The following IRAK1BP1 variants were observed in gnomAD, a reference collection of about 807,000 sequenced individuals.
IRAK1BP1 encodes the protein interleukin 1 receptor associated kinase 1 binding protein 1.
IRAK1BP1 carries 24 observed loss-of-function variants against 28.0 expected under a neutral mutation model. The observed-to-expected ratio is 0.86, with a 90% CI of 0.62 to 1.20. IRAK1BP1 has a LOEUF of 1.20. Among genes scored for constraint, IRAK1BP1 ranks in the 50% most tolerant of loss-of-function variants. IRAK1BP1 has a pLI of 0.00. For synonymous variants in IRAK1BP1, 131 were observed against 116.3 expected, an observed-to-expected ratio of 1.13 and a Z score of -0.81; for missense variants, 336 against 316.7, an observed-to-expected ratio of 1.06 and a Z score of -0.46.
chr6:78,904,299 C>T (rs1198560122), downstream of IRAK1BP1, among the ~76,000 whole-genome samples: 1 of 152,164 alleles, frequency 6.6e-6, no homozygotes, highest in Non-Finnish European at 1.5e-5. Flanking sequence ...TCATTTCAAG[C>T]TTATTGGATC....
chr6:78,874,620 A>C (rs778962121), intron 1 of IRAK1BP1, among the ~76,000 whole-genome samples: 1 of 152,162 alleles, frequency 6.6e-6, no homozygotes, highest in Non-Finnish European at 1.5e-5. Context: ...GGGACATTTT[A>C]AGTGACAACA....
chr6:78,965,833 T>G, the IRAK1BP1 span: 5 of 1,182,048 alleles, frequency 4.2e-6, no homozygotes, highest in Admixed American at 9.5e-5. Context: ...TAAAATCAAT[T>G]ATCAAAATAA....
chr6:78,955,330 T>C, the IRAK1BP1 span: 1 of 1,313,698 alleles, frequency 7.6e-7, no homozygotes, highest in African/African-American at 1.5e-5. Flanking sequence ...TAGATGTCAT[T>C]ATACTTTATA....
chr6:78,883,529 ATC>A (rs1289135923), intron 1 of IRAK1BP1, among the ~76,000 whole-genome samples: 5 of 152,188 alleles, frequency 3.3e-5, no homozygotes, highest in Non-Finnish European at 7.4e-5. Flanking sequence ...TCATAAAATT[ATC>A]TCTCTAATAA....
the IRAK1BP1 span, chr6:78,966,088 T>G: frequency 1.6e-6 from 2 of 1,264,314 alleles, no homozygotes; most frequent in Admixed American, 1.7e-5. Context: ...CTCATCATTC[T>G]GAAATGCATG....
downstream of IRAK1BP1, among the ~76,000 whole-genome samples, chr6:78,905,331 C>T (rs1188546080): frequency 4.6e-5 from 7 of 152,288 alleles, no homozygotes; most frequent in African/African-American, 1.4e-4. Flanking sequence ...TATGAGAATA[C>T]ATGAAGCTCT....
At chr6:78,970,909 C>T in the IRAK1BP1 span, 1 of 1,517,734 alleles carries the variant, frequency 6.6e-7, no homozygotes, top group South Asian at 1.2e-5. Context: ...AAGTCATAAT[C>T]TTACAACCTG....
intron 2 of IRAK1BP1, among the ~76,000 whole-genome samples, chr6:78,890,631 A>T (rs1771618431): frequency 6.6e-6 from 1 of 152,200 alleles, no homozygotes; most frequent in Non-Finnish European, 1.5e-5. Context: ...AGTTCTAGAG[A>T]AAGAAAAATA....
downstream of IRAK1BP1, among the ~76,000 whole-genome samples, chr6:78,947,437 T>C (rs1243907850): frequency 6.6e-6 from 1 of 152,188 alleles, no homozygotes; most frequent in African/African-American, 2.4e-5. Context: ...ACATCAAAGA[T>C]AACATCAATG....
chr6:78,951,202 T>A (rs1461534973), downstream of IRAK1BP1, among the ~76,000 whole-genome samples: 4 of 152,308 alleles, frequency 2.6e-5, no homozygotes, highest in East Asian at 5.8e-4. Flanking sequence ...AATGATTTTT[T>A]AAAATGTTTT....
chr6:78,953,651 C>T, the IRAK1BP1 span, among the ~76,000 whole-genome samples: 1 of 152,220 alleles, frequency 6.6e-6, no homozygotes, highest in African/African-American at 2.4e-5. Context: ...ATGTTTCTGG[C>T]ATTTTAAATG....
chr6:78,911,716 T>G lies in IRAK1BP1; in HGVS notation c.*67+8606T>G, dbSNP rs116779336. ...ATCTCACTTCATTCCCAGCAATTTA[T>G]TATCTGAGTACTCTGTACCGGGCAC... On this transcript the variant is annotated intron_variant and NMD_transcript_variant, in intron 4 of 4. Coordinates refer to the IRAK1BP1 transcript ENST00000606868. Among the ~76,000 whole-genome samples, 629 of 152,324 alleles carry G rather than the reference T, an allele frequency of 4.1e-3. 2 individuals are homozygous for G. The highest frequency in any genetic ancestry group is 0.014 in the African/African-American group (569 of 41,574).
At chr6:78,893,324 A>ATT (rs1771745637) in intron 2 of IRAK1BP1, among the ~76,000 whole-genome samples, 4 of 69,874 alleles carry the variant, frequency 5.7e-5, no homozygotes, top group African/African-American at 1.7e-4. Context: ...GTATATATAT[A>ATT]TATATATATA....
At chr6:78,883,630 T>C (rs1771309335) in intron 1 of IRAK1BP1, among the ~76,000 whole-genome samples, 2 of 152,172 alleles carry the variant, frequency 1.3e-5, no homozygotes, top group Admixed American at 1.3e-4. Flanking sequence ...TCATAAAATA[T>C]TAAATGACAA....
At chr6:78,873,579 A>G (rs998546481) in intron 1 of IRAK1BP1, among the ~76,000 whole-genome samples, 1 of 152,008 alleles carries the variant, frequency 6.6e-6, no homozygotes, top group Admixed American at 6.6e-5. Context: ...CCGGGGCTCA[A>G]GCTATCCTCC....
At chr6:78,869,746 G>A (rs1375219893) in intron 1 of IRAK1BP1, among the ~76,000 whole-genome samples, 2 of 152,116 alleles carry the variant, frequency 1.3e-5, no homozygotes, top group Non-Finnish European at 2.9e-5. Context: ...AGAATTCTGA[G>A]CTGTAAGATT....
chr6:78,892,901 G>A (rs540122097), intron 2 of IRAK1BP1, among the ~76,000 whole-genome samples: 5 of 151,990 alleles, frequency 3.3e-5, no homozygotes, highest in South Asian at 2.1e-4. Context: ...ATGTAAAAAC[G>A]AGTTAATAAA....
chr6:78,926,784 G>A (rs1056043878), intron 4 of IRAK1BP1, among the ~76,000 whole-genome samples: 4 of 151,932 alleles, frequency 2.6e-5, no homozygotes, highest in African/African-American at 9.7e-5. Context: ...TGACAAATGA[G>A]TAAGAACATA....
chr6:78,889,816 TTGG>T (rs1415599888), intron 2 of IRAK1BP1, among the ~76,000 whole-genome samples: 1 of 152,088 alleles, frequency 6.6e-6, no homozygotes. Context: ...TTTTACACTG[TTGG>T]TGGGAGGGTA....
Sources: allele counts gnomAD v4.1 joint callset (sites outside exome capture counted in the v4.1 genomes callset), GRCh38; gene constraint gnomAD v4.1.1; transcripts MANE v1.5; gene names NCBI Gene and HGNC (gene_info 2026-07-23, HGNC 2026-07-21).